The following SLC1A2 variants were observed in gnomAD, a reference collection of about 807,000 sequenced individuals.
SLC1A2 encodes the protein solute carrier family 1 member 2.
In SLC1A2, 15 loss-of-function variants were observed where a neutral mutation model predicts 48.8. The observed-to-expected ratio is 0.31, with a 90% CI of 0.21 to 0.47. SLC1A2 has a LOEUF of 0.47. Ranked by LOEUF, SLC1A2 falls within the 20% of genes least tolerant of loss-of-function variation. The probability of loss-of-function intolerance (pLI) is 0.99; values close to 1 mark genes in which losing one functional copy is unlikely to be tolerated. For missense variants in SLC1A2, 502 were observed against 730.5 expected, an observed-to-expected ratio of 0.69 and a Z score of 3.61; for synonymous variants, 279 against 272.6, an observed-to-expected ratio of 1.02 and a Z score of -0.23.
chr11:35,353,040 A>G (rs548323176), intron 1 of SLC1A2, among the ~76,000 whole-genome samples: 72 of 152,224 alleles, frequency 4.7e-4, no homozygotes, highest in African/African-American at 1.5e-3. Flanking sequence ...CTTCTAAGAT[A>G]GGCTTTTTTT....
At chr11:35,319,197 A>T (rs1014324773) in intron 1 of SLC1A2, among the ~76,000 whole-genome samples, 1 of 152,194 alleles carries the variant, frequency 6.6e-6, no homozygotes, top group East Asian at 1.9e-4. Flanking sequence ...GTGAGCAACA[A>T]ATATCACTTC....
At chr11:35,279,379 G>A (rs564546316) in intron 9 of SLC1A2, among the ~76,000 whole-genome samples, 2 of 152,340 alleles carry the variant, frequency 1.3e-5, no homozygotes, top group South Asian at 4.1e-4. Flanking sequence ...CCTTCACTGG[G>A]AAAGGTAGCT....
At chr11:35,302,236 A>T (rs1457199151) in intron 5 of SLC1A2, among the ~76,000 whole-genome samples, 1 of 152,256 alleles carries the variant, frequency 6.6e-6, no homozygotes, top group East Asian at 1.9e-4. Context: ...AAGGGAAAAC[A>T]ATAAGGAATC....
chr11:35,360,079 C>T (rs1471528994), intron 1 of SLC1A2: 8 of 985,220 alleles, frequency 8.1e-6, no homozygotes, highest in African/African-American at 3.5e-5. Context: ...GTGCTGGTCA[C>T]GTAGTGCTGG....
intron 1 of SLC1A2, among the ~76,000 whole-genome samples, chr11:35,401,812 A>C (rs893541797): frequency 6.6e-6 from 1 of 152,148 alleles, no homozygotes; most frequent in African/African-American, 2.4e-5. Context: ...GGAAACCTTA[A>C]AGCGCCATAT....
At position 35,292,466 on chromosome 11, in the gene SLC1A2, C is replaced by T. The variant is rs1851040919; in HGVS notation, c.912G>A (p.Lys304=). The T allele has an allele frequency of 6.2e-7, 1 of 1,613,810 alleles. No homozygotes were observed. ...GTTGCCTAGCAACCACTTCTAAGTCCTTGATTGCAATGATCTTTCCACAGA... is the reference window on the plus strand; with the variant it reads ...GTTGCCTAGCAACCACTTCTAAGTCTTTGATTGCAATGATCTTTCCACAGA... The part of the protein sequence containing the change: ...CLICGKIIAI[K]DLEVVARQLG... The change falls in exon 7 of 11, where the codon AAG becomes AAA. Residue 304 remains lysine, a synonymous_variant. Coordinates refer to ENST00000278379, the MANE Select transcript of SLC1A2 (RefSeq NM_004171.4).
chr11:35,398,418 C>T (rs997742877), intron 1 of SLC1A2, among the ~76,000 whole-genome samples: 6 of 152,120 alleles, frequency 3.9e-5, no homozygotes, highest in Non-Finnish European at 7.3e-5. Context: ...GAACTGAAAA[C>T]CAAACACCAC....
At chr11:35,317,760 G>T (rs535047863) in intron 1 of SLC1A2, among the ~76,000 whole-genome samples, 90 of 152,284 alleles carry the variant, frequency 5.9e-4, no homozygotes, top group African/African-American at 2.1e-3. Context: ...CCAAAGAGTT[G>T]CCCCCCGTGG....
intron 1 of SLC1A2, among the ~76,000 whole-genome samples, chr11:35,327,476 G>C (rs565696631): frequency 1.3e-5 from 2 of 152,256 alleles, no homozygotes; most frequent in Admixed American, 6.5e-5. Context: ...TTATAACAGA[G>C]TGACCTCACT....
At chr11:35,411,575 C>T (rs962958928) in intron 1 of SLC1A2, among the ~76,000 whole-genome samples, 7 of 152,220 alleles carry the variant, frequency 4.6e-5, no homozygotes, top group Admixed American at 4.6e-4. Context: ...CTCGCCTCAG[C>T]CTCCCGAATA....
At chr11:35,362,957 T>G (rs886699852) in intron 1 of SLC1A2, among the ~76,000 whole-genome samples, 1 of 152,224 alleles carries the variant, frequency 6.6e-6, no homozygotes, top group African/African-American at 2.4e-5. Flanking sequence ...TTTGGCTTGT[T>G]TGAATCTTTC....
chr11:35,338,478 T>G (rs1475900161), intron 1 of SLC1A2, among the ~76,000 whole-genome samples: 1 of 152,012 alleles, frequency 6.6e-6, no homozygotes, highest in Non-Finnish European at 1.5e-5. Context: ...ACCACATAGA[T>G]TTGTGGGTGA....
At chr11:35,340,543 C>T (rs1852800182) in intron 1 of SLC1A2, among the ~76,000 whole-genome samples, 1 of 152,188 alleles carries the variant, frequency 6.6e-6, no homozygotes, top group Non-Finnish European at 1.5e-5. Context: ...CTACTTCTAC[C>T]CCTTTCTAGC....
intron 10 of SLC1A2, among the ~76,000 whole-genome samples, chr11:35,264,671 T>C (rs1439717033): frequency 6.6e-6 from 1 of 152,212 alleles, no homozygotes; most frequent in Non-Finnish European, 1.5e-5. Flanking sequence ...GTAGTGTTTT[T>C]AAAAAGACAT....
At chr11:35,265,453 G>GTTT (rs35055326) in intron 10 of SLC1A2, 74 bp downstream of exon 10, 321 of 684,222 alleles carry the variant, frequency 4.7e-4, no homozygotes, top group African/African-American at 7.5e-4. Context: ...GGGCTTTACG[G>GTTT]TTTTTTTTTT....
intron 1 of SLC1A2, among the ~76,000 whole-genome samples, chr11:35,401,467 T>A (rs1478653686): frequency 6.6e-6 from 1 of 152,200 alleles, no homozygotes; most frequent in African/African-American, 2.4e-5. Context: ...TTAATGCTAG[T>A]CAGCTGTACC....
Position 35,340,897 on chromosome 11 carries a change from G to A in SLC1A2, c.18-23381C>T, listed in dbSNP as rs532066690. Among the ~76,000 whole-genome samples, 5 of 152,276 alleles carry A rather than the reference G, an allele frequency of 3.3e-5. No homozygotes were observed. The South Asian group carries it at 1.0e-3, about 32-fold the overall frequency. ...CCCCAGTGTGCCCCCTGGGATTATG[G>A]TGTGGAGGCTAAGGTCAAAAGGAAA... On this transcript the variant is annotated intron_variant, in intron 1 of 10. Coordinates refer to ENST00000278379, the MANE Select transcript of SLC1A2 (RefSeq NM_004171.4).
intron 1 of SLC1A2, among the ~76,000 whole-genome samples, chr11:35,400,744 A>G (rs1043942535): frequency 1.3e-5 from 2 of 152,198 alleles, no homozygotes; most frequent in Non-Finnish European, 2.9e-5. Flanking sequence ...ATCAAATAGA[A>G]GTCTTTTAGT....
chr11:35,307,954 G>T (rs1234742330), intron 4 of SLC1A2, among the ~76,000 whole-genome samples: 2 of 152,126 alleles, frequency 1.3e-5, no homozygotes, highest in Non-Finnish European at 2.9e-5. Context: ...CCTCAATGTG[G>T]CCCCTTCATC....
Sources: allele counts gnomAD v4.1 joint callset (sites outside exome capture counted in the v4.1 genomes callset), GRCh38; gene constraint gnomAD v4.1.1; transcripts MANE v1.5; gene names NCBI Gene and HGNC (gene_info 2026-07-23, HGNC 2026-07-21).